Variants in WDFY4 observed in about 807,000 individuals in gnomAD.
WDFY4 encodes WD repeat- and FYVE domain-containing protein 4.
A neutral mutation model predicts 351.9 loss-of-function variants in WDFY4; 169 were observed. That is an observed-to-expected ratio of 0.48 (90% CI 0.42 to 0.55). The LOEUF (loss-of-function observed/expected upper bound fraction) is 0.55, where lower values mean the gene tolerates loss of function less well. WDFY4 is among the 20% of genes least tolerant of loss of function. The pLI is 0.00. For missense variants in WDFY4, 3,803 were observed against 3,935.6 expected (o/e 0.97, Z 0.90); for synonymous variants, 1,622 against 1,574.6 (o/e 1.03, Z -0.71).
At position 48,720,072 on chromosome 10, in the gene WDFY4, T is replaced by A. The variant is rs1272250929; in HGVS notation, c.296T>A (p.Val99Glu). The part of the protein sequence containing the change: ...FPSLQRLAED[V>E]SDQLAQQLQK... ...AGTCTCCAAAGGCTGGCTGAAGACG[T>A]GTCTGACCAGCTTGCCCAGCAACTC... The change falls in exon 3 of 62, where the codon GTG becomes GAG. Residue 99 changes from valine to glutamate, a missense_variant. Around this residue, in one of 3 missense-constraint regions of WDFY4, gnomAD observed 488 missense variants for 456.8 expected, o/e 1.07. Coordinates refer to ENST00000325239, the MANE Select transcript of WDFY4 (RefSeq NM_001394531.1). 6.4e-7 allele frequency: 1 copy of A among 1,551,670 alleles called. No individual in the cohort carries two copies. The highest frequency in any genetic ancestry group is 8.7e-7 in the Non-Finnish European group (1 of 1,147,012).
At chr10:48,809,871 G>A (rs1171879678) in intron 28 of WDFY4, among the ~76,000 whole-genome samples, 5 of 152,188 alleles carry the variant, frequency 3.3e-5, no homozygotes, top group Non-Finnish European at 7.3e-5. Context: ...TAGTGTGTCA[G>A]CTGAGAACAC....
At chr10:48,732,632 C>T (rs899489595) in intron 9 of WDFY4, among the ~76,000 whole-genome samples, 2 of 152,170 alleles carry the variant, frequency 1.3e-5, no homozygotes, top group South Asian at 2.1e-4. Context: ...TTAACCCGTA[C>T]GAGCCGTGTC....
chr10:48,735,868 T>C lies in WDFY4; in HGVS notation c.1688-12T>C, dbSNP rs1219876104. On this transcript the variant is annotated splice_polypyrimidine_tract_variant and intron_variant, in intron 10 of 61. Transcript: ENST00000325239. ...CCTTGCCCTAGCCCCATTCTGTCTG[T>C]CTGATCCTTAGTTGTCCTGAAGGAC... is the stretch of plus-strand genomic sequence containing the variant. 73 of 1,550,388 alleles carry C rather than the reference T, an allele frequency of 4.7e-5. No individual in the cohort carries two copies. Among genetic ancestry groups the C allele is most frequent in the Non-Finnish European group, 6.3e-5 (72 of 1,146,146 alleles).
At chr10:48,790,611 TG>T (rs1252322270) in intron 22 of WDFY4, 115 bp from the exon 23 acceptor site, 5 of 1,211,382 alleles carry the variant, frequency 4.1e-6, no homozygotes, top group Non-Finnish European at 4.6e-6. Context: ...CAGGTCCCTC[TG>T]GCTGTGGATG....
intron 39 of WDFY4, among the ~76,000 whole-genome samples, chr10:48,865,583 G>A (rs1380436838): frequency 6.6e-6 from 1 of 152,172 alleles, no homozygotes; most frequent in Admixed American, 6.5e-5. Flanking sequence ...CATAGAATGT[G>A]TTGGGAAGTG....
intron 1 of WDFY4, among the ~76,000 whole-genome samples, chr10:48,696,265 C>T (rs562980666): frequency 1.3e-5 from 2 of 152,358 alleles, no homozygotes; most frequent in East Asian, 1.9e-4. Flanking sequence ...CCAGCAGCTG[C>T]GCCTGCTCCT....
At chr10:48,976,403 G>A (rs969317112) in intron 58 of WDFY4, among the ~76,000 whole-genome samples, 6 of 152,194 alleles carry the variant, frequency 3.9e-5, no homozygotes, top group Non-Finnish European at 7.3e-5. Context: ...TCCACCAGGT[G>A]GCATCCAAAA....
intron 1 of WDFY4, among the ~76,000 whole-genome samples, chr10:48,694,699 A>C (rs191651867): frequency 2.0e-5 from 3 of 151,842 alleles, no homozygotes; most frequent in Non-Finnish European, 2.9e-5. Context: ...CCATGCACTC[A>C]CTCAACCCCT....
intron 39 of WDFY4, among the ~76,000 whole-genome samples, chr10:48,849,063 C>T (rs1188396004): frequency 1.3e-5 from 2 of 152,146 alleles, no homozygotes; most frequent in South Asian, 2.1e-4. Flanking sequence ...CTGAGTTTAA[C>T]TGGAATCTGT....
intron 24 of WDFY4, chr10:48,802,763 G>C (rs1465867811): frequency 2.1e-6 from 1 of 471,660 alleles, no homozygotes; most frequent in South Asian, 1.5e-5. Context: ...TTGGGCTGAA[G>C]AATGTGTTGC....
chr10:48,923,321 T>G (rs1351362026), intron 47 of WDFY4, among the ~76,000 whole-genome samples: 2 of 151,926 alleles, frequency 1.3e-5, no homozygotes, highest in Non-Finnish European at 2.9e-5. Flanking sequence ...AACTGTCTAC[T>G]GTGCTTGAGT....
chr10:48,823,180 A>AT, intron 35 of WDFY4: 1 of 1,284,624 alleles, frequency 7.8e-7, no homozygotes, highest in South Asian at 1.3e-5. Flanking sequence ...TTTTTTTTTT[A>AT]GATCTCAGCC....
chr10:48,806,050 G>A lies in WDFY4; in HGVS notation c.4693G>A (p.Glu1565Lys), dbSNP rs1256391520. 1 of 1,551,624 alleles carries A rather than the reference G, an allele frequency of 6.4e-7. No individual in the cohort carries two copies. The highest frequency in any genetic ancestry group is 1.4e-5 in the African/African-American group (1 of 73,046). The change falls in exon 27 of 62, where the codon GAG becomes AAG. Residue 1565 changes from glutamate (E) to lysine (K), a missense_variant. Glu to Lys is a moderately conservative substitution (Grantham distance 56). This residue lies in a region of WDFY4 where 3,054 missense variants were observed against 3,148.6 expected (regional missense o/e 0.97). Transcript: ENST00000325239. Reference sequence around the variant, plus strand: ...CACCCTCAAGCCTTCGTCGGTGAATGAGAGGCAGATCTGCATGGACGGAGC... The same window carrying A: ...CACCCTCAAGCCTTCGTCGGTGAATAAGAGGCAGATCTGCATGGACGGAGC... ...VYTLKPSSVN[E>K]RQICMDGALD...
Position 48,787,856 on chromosome 10 carries a change from TC to T in WDFY4, c.3809-673del. 1.5e-5 allele frequency among the ~76,000 whole-genome samples: 2 copies of T among 129,096 alleles called. 1 individual carries two copies. Among genetic ancestry groups the T allele is most frequent in the Non-Finnish European group, 3.2e-5 (2 of 62,718 alleles). 84.7% of individuals were successfully genotyped at this position (129,096 alleles called of 152,430 possible). A position where few individuals can be genotyped will look rare whatever the true frequency, so the allele number is the denominator to read the frequency against. On this transcript the variant is annotated intron_variant, in intron 20 of 61. Coordinates refer to ENST00000325239, the MANE Select transcript of WDFY4 (RefSeq NM_001394531.1). ...TTCTTCTTCTTCTTCTTCTTCTTCT[TC>T]TTTCTTCTTCTTTCTTCTTTCTTTC...
intron 39 of WDFY4, among the ~76,000 whole-genome samples, chr10:48,855,534 C>T (rs923790667): frequency 1.2e-4 from 18 of 152,138 alleles, no homozygotes; most frequent in South Asian, 4.1e-4. Flanking sequence ...GGTCTCAAGA[C>T]CTGTTCACTT....
intron 39 of WDFY4, 128 bp downstream of exon 39, chr10:48,832,837 T>C (rs2068238723): frequency 2.4e-6 from 3 of 1,264,018 alleles, no homozygotes; most frequent in Non-Finnish European, 3.1e-6. Context: ...CATTTGAGGG[T>C]ATGCATGTAG....
intron 1 of WDFY4, among the ~76,000 whole-genome samples, chr10:48,708,430 C>G (rs2063688212): frequency 6.6e-6 from 1 of 152,228 alleles, no homozygotes; most frequent in Admixed American, 6.5e-5. Context: ...CTATGTCCCT[C>G]TGGTCACTAC....
intron 45 of WDFY4, 142 bp downstream of exon 45, chr10:48,897,716 G>A (rs969514985): frequency 1.1e-5 from 14 of 1,326,508 alleles, no homozygotes; most frequent in African/African-American, 5.9e-5. Flanking sequence ...GGAGACACCC[G>A]CAAGTTCCCT....
At chr10:48,913,731 GCCCC>G in intron 47 of WDFY4, 1 of 1,613,210 alleles carries the variant, frequency 6.2e-7, no homozygotes, top group Non-Finnish European at 8.5e-7. Flanking sequence ...CTCCTTCAGG[GCCCC>G]CAGTGTGGTG....
Sources: gnomAD v4.1 joint callset for allele counts (sites outside exome capture counted in the v4.1 genomes callset) on GRCh38, gnomAD v4.1.1 for gene constraint, gnomAD v4.1.1 regional missense constraint, MANE v1.5 for transcripts, NCBI Gene and HGNC (gene_info 2026-07-23, HGNC 2026-07-21) for gene names.